NLGN1: variants seen among roughly 807,000 people sequenced by gnomAD.
NLGN1 encodes neuroligin-1.
Under a neutral mutation model 65.5 loss-of-function variants are expected in NLGN1, and 12 were observed. The ratio of observed to expected loss-of-function variants is 0.18; its 90% CI spans 0.12 to 0.30. The LOEUF (loss-of-function observed/expected upper bound fraction) is 0.30. Ranked by LOEUF, NLGN1 falls within the 10% of genes least tolerant of loss-of-function variation. The pLI, the probability that NLGN1 is intolerant of heterozygous loss-of-function variation, is 1.00. For synonymous variants in NLGN1, 350 were observed against 359.5 expected (o/e 0.97, Z 0.30); for missense variants, 750 against 1,007.1 (o/e 0.74, Z 3.46).
At chr3:174,257,513 C>T (rs1241237307) in intron 4 of NLGN1, among the ~76,000 whole-genome samples, 1 of 152,024 alleles carries the variant, frequency 6.6e-6, no homozygotes, top group African/African-American at 2.4e-5. Flanking sequence ...AACCAAAGTG[C>T]CCATCAAAGA....
At chr3:173,796,379 G>T (rs970155701) in intron 3 of NLGN1, among the ~76,000 whole-genome samples, 1 of 151,954 alleles carries the variant, frequency 6.6e-6, no homozygotes, top group African/African-American at 2.4e-5. Flanking sequence ...TGCATCGCAC[G>T]TCCTTTACCA....
chr3:173,507,528 T>C (rs1175692803), intron 2 of NLGN1, among the ~76,000 whole-genome samples: 1 of 152,170 alleles, frequency 6.6e-6, no homozygotes, highest in Non-Finnish European at 1.5e-5. Flanking sequence ...TCCACCATGG[T>C]ACATGGTCTT....
At chr3:173,623,120 T>C (rs1464644121) in intron 3 of NLGN1, among the ~76,000 whole-genome samples, 1 of 151,976 alleles carries the variant, frequency 6.6e-6, no homozygotes, top group Admixed American at 6.6e-5. Context: ...CAGCAACATA[T>C]AGTATTTAGA....
intron 4 of NLGN1, among the ~76,000 whole-genome samples, chr3:173,867,248 C>T (rs1045158637): frequency 1.3e-5 from 2 of 152,070 alleles, no homozygotes; most frequent in African/African-American, 2.4e-5. Flanking sequence ...TAGTTTCAAC[C>T]GAGCAAGAAA....
intron 3 of NLGN1, among the ~76,000 whole-genome samples, chr3:173,778,014 T>G (rs1578384825): frequency 1.3e-5 from 2 of 152,002 alleles, no homozygotes; most frequent in South Asian, 2.1e-4. Context: ...TTAAGTACTA[T>G]AACCCAATGA....
intron 4 of NLGN1, among the ~76,000 whole-genome samples, chr3:173,977,798 A>G (rs1157130234): frequency 2.0e-5 from 3 of 152,102 alleles, no homozygotes; most frequent in Middle Eastern, 3.2e-3. Context: ...GGAACTCAAA[A>G]GAGTATTATG....
intron 1 of NLGN1, among the ~76,000 whole-genome samples, chr3:173,426,815 G>C (rs908374297): frequency 1.3e-5 from 2 of 151,904 alleles, no homozygotes; most frequent in African/African-American, 4.8e-5. Flanking sequence ...GTCTGGTTTT[G>C]GTTTCAGGGT....
At chr3:173,714,321 T>G (rs953479839) in intron 3 of NLGN1, among the ~76,000 whole-genome samples, 6 of 152,160 alleles carry the variant, frequency 3.9e-5, no homozygotes, top group Admixed American at 2.6e-4. Flanking sequence ...CTATGTCTAC[T>G]GCAAAAGTCT....
intron 3 of NLGN1, among the ~76,000 whole-genome samples, chr3:173,740,685 A>G (rs1443521493): frequency 1.3e-5 from 2 of 152,178 alleles, no homozygotes; most frequent in Non-Finnish European, 2.9e-5. Flanking sequence ...GTGACAGGCA[A>G]TGACATCTAA....
At chr3:173,926,314 A>G (rs986477801) in intron 4 of NLGN1, among the ~76,000 whole-genome samples, 4 of 152,190 alleles carry the variant, frequency 2.6e-5, no homozygotes, top group African/African-American at 9.7e-5. Flanking sequence ...TAAGTATACT[A>G]TGAAATCTCA....
intron 2 of NLGN1, among the ~76,000 whole-genome samples, chr3:173,464,877 T>C (rs1724064981): frequency 1.4e-5 from 1 of 69,066 alleles, no homozygotes; most frequent in Admixed American, 2.1e-4. Context: ...TTTTTTTTTG[T>C]GGACTATTTT....
At chr3:173,789,253 AAAGT>A (rs755156679) in intron 3 of NLGN1, among the ~76,000 whole-genome samples, 2 of 152,182 alleles carry the variant, frequency 1.3e-5, no homozygotes, top group South Asian at 2.1e-4. Flanking sequence ...GGAAGGAAAG[AAAGT>A]TAGTTTTAAT....
intron 2 of NLGN1, among the ~76,000 whole-genome samples, chr3:173,491,937 A>G (rs962162576): frequency 6.6e-6 from 1 of 151,702 alleles, no homozygotes; most frequent in Non-Finnish European, 1.5e-5. Flanking sequence ...CATTTATTCT[A>G]CTACTTAATG....
chr3:173,633,553 A>T (rs548962188), intron 3 of NLGN1, among the ~76,000 whole-genome samples: 1 of 152,154 alleles, frequency 6.6e-6, no homozygotes, highest in Non-Finnish European at 1.5e-5. Flanking sequence ...AGTTCACCCT[A>T]TGGAAAGAAC....
intron 4 of NLGN1, among the ~76,000 whole-genome samples, chr3:173,873,886 G>A (rs1339482269): frequency 1.3e-5 from 2 of 152,134 alleles, no homozygotes; most frequent in Non-Finnish European, 2.9e-5. Flanking sequence ...GACCTCTAAA[G>A]ATATAATTAA....
chr3:174,277,474 C>A (rs1012302771), intron 5 of NLGN1, among the ~76,000 whole-genome samples: 60 of 151,902 alleles, frequency 3.9e-4, no homozygotes, highest in African/African-American at 1.4e-3. Context: ...TGTTGAGTCC[C>A]TGAGATGGGA....
At chr3:173,728,077 C>A (rs773638926) in intron 3 of NLGN1, among the ~76,000 whole-genome samples, 3 of 152,002 alleles carry the variant, frequency 2.0e-5, no homozygotes, top group Non-Finnish European at 2.9e-5. Context: ...CAGCAGTTTG[C>A]CCTATGGTGG....
chr3:173,538,072 G>A (rs1476853975), intron 2 of NLGN1, among the ~76,000 whole-genome samples: 1 of 152,188 alleles, frequency 6.6e-6, no homozygotes, highest in Non-Finnish European at 1.5e-5. Flanking sequence ...GGATAAAGCT[G>A]TGGAAATAGG....
Position 174,263,105 on chromosome 3 carries a change from G to C in NLGN1, c.647-12210G>C, listed in dbSNP as rs954029383. Among the ~76,000 whole-genome samples, 25 of 148,450 alleles carry C rather than the reference G, an allele frequency of 1.7e-4. No homozygotes were observed. The East Asian group carries it at 2.4e-3, about 14-fold the overall frequency. On this transcript the variant is annotated intron_variant, in intron 4 of 6. Transcript: ENST00000457714. The stretch of plus-strand genomic sequence containing the variant: ...TTGCTGAGGAGAGCTTTACTTCCAA[G>C]TATGTGGTCAATTTTGGAATAGGTG...
Sources: allele counts gnomAD v4.1 joint callset (sites outside exome capture counted in the v4.1 genomes callset), GRCh38; gene constraint gnomAD v4.1.1; transcripts MANE v1.5; gene names NCBI Gene and HGNC (gene_info 2026-07-23, HGNC 2026-07-21).